SIAE: variants seen among roughly 807,000 people sequenced by gnomAD.
SIAE encodes sialic acid acetylesterase, also known as sialate O-acetylesterase.
A neutral mutation model predicts 52.6 loss-of-function variants in SIAE; 39 were observed. That is an observed-to-expected ratio of 0.74 (90% CI 0.57 to 0.97). The LOEUF (loss-of-function observed/expected upper bound fraction) is 0.97. SIAE is among the 50% of genes least tolerant of loss of function. The pLI is 0.00. For missense variants in SIAE, 592 were observed against 662.1 expected, an observed-to-expected ratio of 0.89 and a Z score of 1.16; for synonymous variants, 233 against 241.4, an observed-to-expected ratio of 0.97 and a Z score of 0.32.
At chr11:124,675,029 C>T (rs1040188329), upstream of SIAE, 31 of 344,032 alleles carry the variant, frequency 9.0e-5, no homozygotes, top group Admixed American at 1.8e-4. Flanking sequence ...AATGATTTGG[C>T]CTAGTGAATG....
At chr11:124,639,593 G>T in intron 8 of SIAE, 117 bp downstream of exon 8, 1 of 1,285,368 alleles carries the variant, frequency 7.8e-7, no homozygotes, top group Non-Finnish European at 1.1e-6. Flanking sequence ...GCACACCCCA[G>T]CATACGTGAC....
At chr11:124,648,469 G>GT (rs1225988709) in intron 5 of SIAE, among the ~76,000 whole-genome samples, 1 of 144,582 alleles carries the variant, frequency 6.9e-6, no homozygotes, top group Non-Finnish European at 1.5e-5. Flanking sequence ...TTCTCACATT[G>GT]TGGGGGGGGG....
At chr11:124,638,780 A>G in intron 8 of SIAE, 43 bp from the exon 9 acceptor site, 1 of 1,488,220 alleles carries the variant, frequency 6.7e-7, no homozygotes, top group Non-Finnish European at 9.4e-7. Context: ...GTTTAAGCTC[A>G]ACAATCACCA....
In SIAE at chr11:124,652,543, T is replaced by C. The variant is rs890578320; in HGVS notation, c.544+2112A>G. Among the ~76,000 whole-genome samples, 4 of 151,632 alleles carry C rather than the reference T, an allele frequency of 2.6e-5. No individual in the cohort carries two copies. The East Asian group carries it at 7.8e-4, about 30-fold the overall frequency. On this transcript the variant is annotated intron_variant, in intron 4 of 9. Transcript: ENST00000263593. Reference sequence around the variant, plus strand: ...AACCCCGTCTCTACTAAAATACAAATATTAGCTGGGCGTGGTGGGGCACAC... The same window carrying C: ...AACCCCGTCTCTACTAAAATACAAACATTAGCTGGGCGTGGTGGGGCACAC...
intron 7 of SIAE, among the ~76,000 whole-genome samples, chr11:124,641,032 T>C (rs1464104198): frequency 6.6e-6 from 1 of 152,128 alleles, no homozygotes; most frequent in Admixed American, 6.5e-5. Context: ...GGCCGGGGGT[T>C]TTGAGGTAGT....
chr11:124,673,909 G>T (rs1591400349), upstream of SIAE: 3 of 606,302 alleles, frequency 4.9e-6, no homozygotes, highest in Middle Eastern at 4.5e-4. Flanking sequence ...CCAGCAACTA[G>T]AAAAACAACC....
intron 3 of SIAE, among the ~76,000 whole-genome samples, chr11:124,655,426 T>G (rs1391828175): frequency 6.6e-6 from 1 of 152,146 alleles, no homozygotes; most frequent in Non-Finnish European, 1.5e-5. Flanking sequence ...CCGCCTGCCT[T>G]GGCCTCCCAG....
chr11:124,640,014 G>T, intron 7 of SIAE, 147 bp from the exon 8 acceptor site: 1 of 1,010,604 alleles, frequency 9.9e-7, no homozygotes, highest in Non-Finnish European at 1.5e-6. Context: ...TTGTGGCAGT[G>T]TCTCTCCAAA....
At chr11:124,673,843 C>T, upstream of SIAE, 1 of 821,410 alleles carries the variant, frequency 1.2e-6, no homozygotes, top group Non-Finnish European at 1.8e-6. Context: ...CTGGGCTGTA[C>T]TCGCCCCTTC....
chr11:124,640,094 G>A (rs1942820712), intron 7 of SIAE, among the ~76,000 whole-genome samples: 1 of 152,194 alleles, frequency 6.6e-6, no homozygotes, highest in South Asian at 2.1e-4. Flanking sequence ...CTCTCATCAA[G>A]CAGCGGGGTC....
upstream of SIAE, chr11:124,673,768 G>C (rs759251957): frequency 1.5e-5 from 23 of 1,582,758 alleles, no homozygotes; most frequent in African/African-American, 2.4e-4. Flanking sequence ...CAGGGGCGGG[G>C]CCTGGGCGGG....
upstream of SIAE, chr11:124,675,557 G>A (rs751570405): frequency 1.2e-6 from 1 of 830,244 alleles, no homozygotes. Context: ...CTTGCTCTTT[G>A]AAACAGTATG....
At chr11:124,654,484 G>A (rs1943066162) in intron 4 of SIAE, 171 bp downstream of exon 4, 1 of 985,256 alleles carries the variant, frequency 1.0e-6, no homozygotes, top group Non-Finnish European at 1.2e-6. Context: ...TGGTAGTCTT[G>A]GGAAGAAACC....
chr11:124,647,283 C>G lies in SIAE; in HGVS notation c.966+82G>C. ...GAAAGAGATCCAAATAGCACATCCCCACACCAATGCCCATAAACCTCTTCC... is the reference window on the plus strand; with the variant it reads ...GAAAGAGATCCAAATAGCACATCCCGACACCAATGCCCATAAACCTCTTCC... On this transcript the variant is annotated intron_variant, in intron 7 of 9. Transcript: ENST00000263593. 2.5e-6 allele frequency: 4 copies of G among 1,582,404 alleles called. No homozygotes were observed. The South Asian group carries it at 4.4e-5, about 18-fold the overall frequency.
chr11:124,675,590 A>T, upstream of SIAE: 2 of 615,204 alleles, frequency 3.3e-6, no homozygotes, highest in Non-Finnish European at 5.3e-6. Flanking sequence ...ATGTTCTCTT[A>T]AATTCGTTTC....
rs938098820 is a variant in SIAE at position 124,654,122 on chromosome 11, G to A, written c.544+533C>T. ...AACCCAGGAGGCGGAGGTTGCAGGT[G>A]AGCCAAGATCACACCACTGCATTCC... On this transcript the variant is annotated intron_variant, in intron 4 of 9. Coordinates refer to ENST00000263593, the MANE Select transcript of SIAE (RefSeq NM_170601.5). 9 of 691,356 alleles carry A rather than the reference G, an allele frequency of 1.3e-5. No individual in the cohort carries two copies. The African/African-American group carries it at 1.8e-4, about 14-fold the overall frequency. 42.8% of individuals were successfully genotyped at this position (691,356 alleles called of 1,614,324 possible).
chr11:124,664,451 G>T (rs545338661), intron 2 of SIAE, among the ~76,000 whole-genome samples: 2 of 152,192 alleles, frequency 1.3e-5, no homozygotes, highest in East Asian at 3.9e-4. Context: ...GGCCAGGATG[G>T]TCTCGATCTC....
chr11:124,663,144 C>CA (rs964281667), intron 2 of SIAE, among the ~76,000 whole-genome samples: 2,900 of 133,142 alleles, frequency 0.022, 85 homozygotes, highest in African/African-American at 0.072. Flanking sequence ...AACTCCATCT[C>CA]AAAAAAAAAA....
Position 124,659,739 on chromosome 11 carries a change from A to G in SIAE, c.405+889T>C, listed in dbSNP as rs1325115631. Reference sequence around the variant, plus strand: ...GGAAGACTTCAATGCAAGAATTTAAATTCTAAATCAGAAAACTAATGATGA... The same window carrying G: ...GGAAGACTTCAATGCAAGAATTTAAGTTCTAAATCAGAAAACTAATGATGA... On this transcript the variant is annotated intron_variant, in intron 3 of 9. Coordinates refer to ENST00000263593, the MANE Select transcript of SIAE (RefSeq NM_170601.5). 2 of 151,946 alleles carry G rather than the reference A, an allele frequency of 1.3e-5. 1 individual carries two copies. The highest frequency in any genetic ancestry group is 2.9e-5 in the Non-Finnish European group (2 of 67,984). The allele number at this position is 151,946 out of a possible 1,614,324, so 9.4% of individuals were successfully genotyped here.
Sources: gnomAD v4.1 joint callset for allele counts (sites outside exome capture counted in the v4.1 genomes callset) on GRCh38, gnomAD v4.1.1 for gene constraint, MANE v1.5 for transcripts, NCBI Gene and HGNC (gene_info 2026-07-23, HGNC 2026-07-21) for gene names.